DOCK1: variants seen among roughly 807,000 people sequenced by gnomAD.
The protein encoded by DOCK1 is dedicator of cytokinesis protein 1.
In DOCK1, 138 loss-of-function variants were observed where a neutral mutation model predicts 262.7. The ratio of observed to expected loss-of-function variants is 0.53; its 90% CI spans 0.46 to 0.61. The LOEUF is 0.61. Ranked by LOEUF, DOCK1 falls within the 20% of genes least tolerant of loss-of-function variation. DOCK1 has a pLI of 0.00. For missense variants in DOCK1, 1,908 were observed against 2,370.7 expected, an observed-to-expected ratio of 0.80 and a Z score of 4.05; for synonymous variants, 866 against 867.4, an observed-to-expected ratio of 1.00 and a Z score of 0.03.
intron 23 of DOCK1, among the ~76,000 whole-genome samples, chr10:127,088,801 C>G (rs954416576): frequency 2.6e-5 from 4 of 152,108 alleles, no homozygotes; most frequent in African/African-American, 7.2e-5. Context: ...ACTGCGCCTC[C>G]CTCAGTGGTC....
At chr10:126,980,946 T>G (rs1026809214) in intron 3 of DOCK1, among the ~76,000 whole-genome samples, 26 of 138,546 alleles carry the variant, frequency 1.9e-4, no homozygotes, top group African/African-American at 7.2e-4. Context: ...GGACCCTACG[T>G]TTTTTTTTTT....
intron 43 of DOCK1, among the ~76,000 whole-genome samples, chr10:127,411,997 C>T (rs1168094970): frequency 6.6e-6 from 1 of 151,916 alleles, no homozygotes; most frequent in Non-Finnish European, 1.5e-5. Context: ...GAGCCTCGCT[C>T]TGTCGCCCAA....
intron 44 of DOCK1, among the ~76,000 whole-genome samples, chr10:127,416,318 G>T (rs938680427): frequency 2.6e-5 from 4 of 152,214 alleles, no homozygotes; most frequent in African/African-American, 9.6e-5. Flanking sequence ...CACTCCCTTT[G>T]CTGGGTCCCT....
chr10:127,261,787 G>GCT, intron 29 of DOCK1, among the ~76,000 whole-genome samples: 1 of 138,598 alleles, frequency 7.2e-6, no homozygotes, highest in African/African-American at 2.8e-5. Flanking sequence ...GTGTGTACCT[G>GCT]CATGTGTGTG....
chr10:127,446,844 A>G lies in DOCK1; in HGVS notation c.5414-550A>G, dbSNP rs1434008194. ...ACTTCCCCTTGGCTTATTTAAAGCA[A>G]CAGCCACAGTGACTGCTATGGCTAA... On this transcript the variant is annotated intron_variant, in intron 50 of 51. Coordinates refer to ENST00000623213, the MANE Select transcript of DOCK1 (RefSeq NM_001290223.2). The surrounding 1 kb of genome is among the most constrained non-coding windows in gnomAD (Gnocchi z 4.4). 6.6e-6 allele frequency among the ~76,000 whole-genome samples: 1 copy of G among 152,244 alleles called. No homozygotes were observed. The highest frequency in any genetic ancestry group is 1.5e-5 in the Non-Finnish European group (1 of 68,044).
chr10:127,015,671 C>T (rs116268303), intron 12 of DOCK1, among the ~76,000 whole-genome samples: 61 of 152,310 alleles, frequency 4.0e-4, no homozygotes, highest in African/African-American at 1.2e-3. Flanking sequence ...GTTCTGCTGA[C>T]TTGACCTTCA....
chr10:127,230,347 A>G (rs900709712), intron 27 of DOCK1, among the ~76,000 whole-genome samples: 4 of 152,116 alleles, frequency 2.6e-5, no homozygotes, highest in African/African-American at 9.7e-5. Context: ...CATTGCTCAG[A>G]CCAATTTCAA....
At chr10:127,010,516 G>T (rs1306027732) in intron 11 of DOCK1, among the ~76,000 whole-genome samples, 1 of 152,196 alleles carries the variant, frequency 6.6e-6, no homozygotes, top group East Asian at 1.9e-4. Context: ...TAGTTCTTCA[G>T]TCACATTGGT....
At position 127,404,411 on chromosome 10, in the gene DOCK1, G is replaced by T. The variant is rs1359706885; in HGVS notation, c.4104G>T (p.Gly1368=). The T allele has an allele frequency of 1.2e-6, 2 of 1,613,692 alleles. No individual in the cohort carries two copies. The highest frequency in any genetic ancestry group is 1.1e-5 in the South Asian group (1 of 90,884). The change falls in exon 40 of 52, where the codon GGG becomes GGT. Residue 1368 remains glycine, a synonymous_variant. Transcript: ENST00000623213. ...DYFAVGYYGQ[G]FPTFLRGKVF... ...TTGCTGTTGGCTACTACGGACAAGG[G>T]TTCCCCACATTCCTGCGGGTAAAGT...
At chr10:127,233,348 G>A (rs1266519250) in intron 27 of DOCK1, among the ~76,000 whole-genome samples, 1 of 152,094 alleles carries the variant, frequency 6.6e-6, no homozygotes, top group African/African-American at 2.4e-5. Flanking sequence ...TATGAATTTT[G>A]TCTACATAAC....
intron 1 of DOCK1, among the ~76,000 whole-genome samples, chr10:126,933,346 A>G (rs1360756644): frequency 6.6e-6 from 1 of 152,158 alleles, no homozygotes; most frequent in Non-Finnish European, 1.5e-5. Context: ...ATGAGAAATG[A>G]TACTGTCTGT....
chr10:127,172,495 T>C (rs1320772533), intron 27 of DOCK1, among the ~76,000 whole-genome samples: 2 of 152,188 alleles, frequency 1.3e-5, no homozygotes, highest in African/African-American at 4.8e-5. Context: ...TGCAGTCCTC[T>C]CCTATGTTCT....
intron 37 of DOCK1, among the ~76,000 whole-genome samples, chr10:127,381,594 T>C (rs1226051015): frequency 6.6e-6 from 1 of 152,242 alleles, no homozygotes; most frequent in Non-Finnish European, 1.5e-5. Context: ...AGGTGATCAC[T>C]GAGCATTATA....
At chr10:127,443,295 A>G (rs951142569) in intron 49 of DOCK1, among the ~76,000 whole-genome samples, 2 of 127,196 alleles carry the variant, frequency 1.6e-5, no homozygotes, top group Non-Finnish European at 3.6e-5. Flanking sequence ...CTTAGAGGAA[A>G]GAATTCAGCC....
At chr10:127,221,983 G>A (rs1257761652) in intron 27 of DOCK1, among the ~76,000 whole-genome samples, 2 of 152,280 alleles carry the variant, frequency 1.3e-5, no homozygotes, top group East Asian at 3.9e-4. Context: ...TCAAAGGAGA[G>A]TAAAATTATG....
intron 13 of DOCK1, among the ~76,000 whole-genome samples, chr10:127,022,909 C>T (rs1181971606): frequency 2.6e-5 from 4 of 152,076 alleles, no homozygotes; most frequent in African/African-American, 9.7e-5. Flanking sequence ...AGTATTGGAG[C>T]CCCTCTGGTT....
intron 21 of DOCK1, among the ~76,000 whole-genome samples, chr10:127,044,546 A>G (rs964302932): frequency 6.6e-5 from 10 of 152,178 alleles, no homozygotes; most frequent in African/African-American, 2.4e-4. Flanking sequence ...CTTGTGACCA[A>G]AACAGGAGCT....
In DOCK1 at chr10:127,175,529, C is replaced by T. The variant is rs747882538; in HGVS notation, c.2847+47765C>T. ...GGAGCCCGTTGAGATGTGTGGCTCT[C>T]CTCCGCTCGTCATCTGCCGGGCAGA... On this transcript the variant is annotated intron_variant, in intron 27 of 51. Transcript: ENST00000623213. The surrounding 1 kb of genome is among the most constrained non-coding windows in gnomAD (Gnocchi z 6.3). 3.7e-6 allele frequency: 6 copies of T among 1,610,028 alleles called. No individual in the cohort carries two copies. The highest frequency in any genetic ancestry group is 3.3e-5 in the Admixed American group (2 of 60,022).
chr10:127,087,201 T>C (rs1401010525), intron 23 of DOCK1, among the ~76,000 whole-genome samples: 1 of 152,200 alleles, frequency 6.6e-6, no homozygotes, highest in Non-Finnish European at 1.5e-5. Flanking sequence ...ATGATATGTG[T>C]GTGCTGAATT....
Sources: gnomAD v4.1 joint callset for allele counts (sites outside exome capture counted in the v4.1 genomes callset) on GRCh38, gnomAD v4.1.1 for gene constraint, Gnocchi (gnomAD v3.1) non-coding constraint, MANE v1.5 for transcripts, NCBI Gene and HGNC (gene_info 2026-07-23, HGNC 2026-07-21) for gene names.